The following ARL6 variants were observed in gnomAD, a reference collection of about 807,000 sequenced individuals.
ARL6 encodes the protein ARF like GTPase 6, also known as ADP-ribosylation factor-like protein 6.
Under a neutral mutation model 27.1 loss-of-function variants are expected in ARL6, and 18 were observed. The ratio of observed to expected loss-of-function variants is 0.66; its 90% CI spans 0.46 to 0.98. ARL6 has a LOEUF of 0.98. Ranked by LOEUF, ARL6 falls within the 50% of genes least tolerant of loss-of-function variation. ARL6 has a pLI of 0.00. For synonymous variants in ARL6, 65 were observed against 72.3 expected (o/e 0.90, Z 0.51); for missense variants, 187 against 214.9 (o/e 0.87, Z 0.81).
At chr3:97,792,053 A>G in intron 7 of ARL6, 2 of 521,250 alleles carry the variant, frequency 3.8e-6, no homozygotes, top group African/African-American at 3.8e-5. Context: ...TTTACAGTCA[A>G]TATATATGAC....
Position 97,780,180 on chromosome 3 carries a change from C to T in ARL6, c.145C>T (p.Pro49Ser), listed in dbSNP as rs1207149091. The T allele has an allele frequency of 6.2e-7, 1 of 1,613,028 alleles. No individual in the cohort carries two copies. The highest frequency in any genetic ancestry group is 8.5e-7 in the Non-Finnish European group (1 of 1,179,254). ...PSNAQSQNILPTIGFSIEKFK... is the reference protein window; with the variant it reads ...PSNAQSQNILSTIGFSIEKFK... Reference sequence around the variant, plus strand: ...AAAGGCTCAATCTCAAAATATCCTTCCAACAATAGGATTCAGCATAGAGAA... The same window carrying T: ...AAAGGCTCAATCTCAAAATATCCTTTCAACAATAGGATTCAGCATAGAGAA... Residue 49 changes from proline (P) to serine (S), a missense_variant, in exon 3 of 8, where the codon CCA becomes TCA. Physicochemically the swap from Pro to Ser is moderately conservative, Grantham distance 74 (BLOSUM62 -1). Coordinates refer to ENST00000463745, the MANE Select transcript of ARL6 (RefSeq NM_001278293.3).
chr3:97,775,825 ATTTGTTGAGATTTGT>A (rs1269705788), intron 2 of ARL6, among the ~76,000 whole-genome samples: 1 of 152,122 alleles, frequency 6.6e-6, no homozygotes, highest in Admixed American at 6.5e-5. Flanking sequence ...ACCTTTTAAA[ATTTGTTGAGATTTGT>A]TTTGTTGCCT....
At chr3:97,780,287 C>A in intron 3 of ARL6, 67 bp downstream of exon 3, 1 of 1,211,434 alleles carries the variant, frequency 8.3e-7, no homozygotes, top group South Asian at 1.3e-5. Context: ...TCTACCTGGT[C>A]ATTCTTCCTA....
At position 97,780,692 on chromosome 3, in the gene ARL6, A is replaced by C. The variant is rs773293069; in HGVS notation, c.254+9A>C. The C allele has an allele frequency of 6.3e-7, 1 of 1,596,310 alleles. No individual in the cohort carries two copies. The highest frequency in any genetic ancestry group is 8.6e-7 in the Non-Finnish European group (1 of 1,164,050). On this transcript the variant is annotated intron_variant, in intron 4 of 7. Transcript: ENST00000463745. ...TGGGAACACTATTATAAGTAAGTAC[A>C]TCTGTGAATGTTGCTTAACTAGATG...
At chr3:97,781,833 C>G (rs2037215378) in intron 4 of ARL6, among the ~76,000 whole-genome samples, 1 of 152,176 alleles carries the variant, frequency 6.6e-6, no homozygotes, top group African/African-American at 2.4e-5. Flanking sequence ...ACTAAACTCT[C>G]TTTTGTCATT....
intron 1 of ARL6, among the ~76,000 whole-genome samples, chr3:97,765,763 T>C (rs1297910495): frequency 6.6e-6 from 1 of 152,220 alleles, no homozygotes; most frequent in African/African-American, 2.4e-5. Context: ...CAGCCAGGGT[T>C]GAGAATCATG....
chr3:97,773,582 C>T (rs562097315), intron 2 of ARL6, among the ~76,000 whole-genome samples: 23 of 152,056 alleles, frequency 1.5e-4, no homozygotes, highest in South Asian at 8.3e-4. Context: ...TTCGTACAAC[C>T]GGAAATATAC....
chr3:97,794,622 G>A (rs1220200865), intron 7 of ARL6, among the ~76,000 whole-genome samples: 1 of 152,140 alleles, frequency 6.6e-6, no homozygotes, highest in East Asian at 1.9e-4. Flanking sequence ...ATAAATAGCA[G>A]TAAATATAGG....
intron 2 of ARL6, among the ~76,000 whole-genome samples, chr3:97,774,275 C>CCT (rs2036782811): frequency 6.6e-6 from 1 of 152,164 alleles, no homozygotes; most frequent in Non-Finnish European, 1.5e-5. Context: ...CTCAACCTTA[C>CCT]CTCTGGGGCC....
At chr3:97,775,029 ACT>A (rs2036824528) in intron 2 of ARL6, among the ~76,000 whole-genome samples, 1 of 152,096 alleles carries the variant, frequency 6.6e-6, no homozygotes, top group Admixed American at 6.6e-5. Context: ...ATTTTGCATA[ACT>A]CTCTAAACAG....
intron 2 of ARL6, 81 bp downstream of exon 2, chr3:97,768,311 AAAC>A: frequency 2.1e-6 from 3 of 1,429,446 alleles, no homozygotes; most frequent in Non-Finnish European, 2.9e-6. Flanking sequence ...TATGACGTTA[AAAC>A]CGCATATAAT....
upstream of ARL6, chr3:97,764,531 A>T (rs1249292497): frequency 6.6e-6 from 1 of 152,322 alleles, no homozygotes; most frequent in African/African-American, 2.4e-5. Context: ...AACTCCCATG[A>T]TGCTACGCCG....
chr3:97,774,980 C>A (rs1475659071), intron 2 of ARL6, among the ~76,000 whole-genome samples: 3 of 152,172 alleles, frequency 2.0e-5, no homozygotes, highest in Admixed American at 1.3e-4. Context: ...AAACTACTTA[C>A]CGCTCACGAG....
chr3:97,792,471 G>A (rs961673476), intron 7 of ARL6, among the ~76,000 whole-genome samples: 5 of 152,000 alleles, frequency 3.3e-5, no homozygotes, highest in African/African-American at 1.2e-4. Flanking sequence ...AACAAAGCAA[G>A]ACTCCATCTC....
intron 2 of ARL6, among the ~76,000 whole-genome samples, chr3:97,775,843 T>G (rs1028284017): frequency 5.9e-5 from 9 of 152,248 alleles, no homozygotes; most frequent in Non-Finnish European, 1.3e-4. Flanking sequence ...AGATTTGTTT[T>G]GTTGCCTAAC....
intron 2 of ARL6, among the ~76,000 whole-genome samples, chr3:97,768,702 G>A (rs1291989250): frequency 6.7e-6 from 1 of 148,832 alleles, no homozygotes; most frequent in African/African-American, 2.6e-5. Context: ...TGATGTATAA[G>A]TTAAAGTTAA....
chr3:97,780,330 C>T, intron 3 of ARL6, 110 bp downstream of exon 3: 1 of 903,194 alleles, frequency 1.1e-6, no homozygotes, highest in Non-Finnish European at 1.7e-6. Context: ...GTTTCAGAAT[C>T]TCATAGGTAT....
intron 7 of ARL6, among the ~76,000 whole-genome samples, chr3:97,793,572 C>A (rs968185200): frequency 1.3e-5 from 2 of 151,872 alleles, no homozygotes; most frequent in African/African-American, 4.9e-5. Context: ...GTTCTCCATC[C>A]CTTCTTTTCT....
chr3:97,771,045 T>C (rs6779440), intron 2 of ARL6, among the ~76,000 whole-genome samples: 12,382 of 152,050 alleles, frequency 0.081, 1,606 homozygotes, highest in African/African-American at 0.28. Flanking sequence ...TCTTTTTATA[T>C]TTCTGTGAAT....
Sources: gnomAD v4.1 joint callset for allele counts (sites outside exome capture counted in the v4.1 genomes callset) on GRCh38, gnomAD v4.1.1 for gene constraint, MANE v1.5 for transcripts, NCBI Gene and HGNC (gene_info 2026-07-23, HGNC 2026-07-21) for gene names.